The following DACH1 variants were observed in gnomAD, a reference collection of about 807,000 sequenced individuals.
DACH1 encodes the protein dachshund homolog 1.
DACH1 carries 12 observed loss-of-function variants against 54.2 expected under a neutral mutation model. The ratio of observed to expected loss-of-function variants is 0.22; its 90% CI spans 0.14 to 0.36. The LOEUF (loss-of-function observed/expected upper bound fraction) is 0.36. Among genes scored for constraint, DACH1 ranks in the 10% least tolerant of loss-of-function variants. DACH1 has a pLI of 1.00. For synonymous variants in DACH1, 386 were observed against 366.2 expected (o/e 1.05, Z -0.62); for missense variants, 805 against 929.8 (o/e 0.87, Z 1.75).
At chr13:71,462,038 T>C (rs1328031611) in intron 10 of DACH1, among the ~76,000 whole-genome samples, 2 of 151,896 alleles carry the variant, frequency 1.3e-5, no homozygotes, top group East Asian at 3.9e-4. Flanking sequence ...TCCAGCACTC[T>C]TTCTCCCAGG....
intron 2 of DACH1, among the ~76,000 whole-genome samples, chr13:71,636,344 T>C (rs1003657207): frequency 6.6e-6 from 1 of 152,106 alleles, no homozygotes; most frequent in Admixed American, 6.6e-5. Flanking sequence ...AATTTTATCA[T>C]CAGAAATGGA....
chr13:71,778,136 AAAT>A (rs1886144791), intron 1 of DACH1, among the ~76,000 whole-genome samples: 1 of 147,526 alleles, frequency 6.8e-6, no homozygotes, highest in African/African-American at 2.5e-5. Flanking sequence ...ATAAATAAAT[AAAT>A]AAAACTATAA....
intron 1 of DACH1, among the ~76,000 whole-genome samples, chr13:71,701,779 TA>T (rs1174826289): frequency 2.0e-5 from 3 of 152,090 alleles, no homozygotes; most frequent in Non-Finnish European, 2.9e-5. Flanking sequence ...TTCAGAGTAA[TA>T]AAAAAATTCA....
chr13:71,528,430 T>TC (rs1387938988), intron 6 of DACH1, among the ~76,000 whole-genome samples: 7 of 143,696 alleles, frequency 4.9e-5, no homozygotes, highest in South Asian at 4.6e-4. Context: ...ATTTTCTTTT[T>TC]TTTTTTTTTT....
chr13:71,633,084 G>C (rs1258825428), intron 2 of DACH1, among the ~76,000 whole-genome samples: 1 of 152,060 alleles, frequency 6.6e-6, no homozygotes, highest in Non-Finnish European at 1.5e-5. Flanking sequence ...TCTTGGATTT[G>C]TGCTGCAGGG....
chr13:71,664,364 C>T (rs1231554663), intron 2 of DACH1, among the ~76,000 whole-genome samples: 2 of 151,946 alleles, frequency 1.3e-5, no homozygotes, highest in African/African-American at 4.8e-5. Flanking sequence ...AAGAAACAAC[C>T]TGTTCTTTTG....
intron 1 of DACH1, among the ~76,000 whole-genome samples, chr13:71,786,328 T>G (rs1279625309): frequency 6.6e-6 from 1 of 152,182 alleles, no homozygotes; most frequent in Admixed American, 6.6e-5. Flanking sequence ...AAATTGTAAG[T>G]AGATGCTCTT....
intron 1 of DACH1, among the ~76,000 whole-genome samples, chr13:71,689,277 A>G (rs141515209): frequency 8.5e-5 from 13 of 152,304 alleles, no homozygotes; most frequent in African/African-American, 3.1e-4. Flanking sequence ...CCCTTACATC[A>G]CACCAATATG....
At chr13:71,744,073 G>C (rs1449917271) in intron 1 of DACH1, among the ~76,000 whole-genome samples, 1 of 152,118 alleles carries the variant, frequency 6.6e-6, no homozygotes, top group East Asian at 1.9e-4. Flanking sequence ...TCTGTTGAAG[G>C]TGTCATTTTA....
At chr13:71,771,549 G>A (rs547826681) in intron 1 of DACH1, among the ~76,000 whole-genome samples, 4 of 151,252 alleles carry the variant, frequency 2.6e-5, no homozygotes, top group African/African-American at 7.3e-5. Flanking sequence ...TCTAGAAAGG[G>A]CAAGTATCCC....
At chr13:71,812,286 A>C (rs1198262762) in intron 1 of DACH1, among the ~76,000 whole-genome samples, 1 of 152,230 alleles carries the variant, frequency 6.6e-6, no homozygotes, top group Non-Finnish European at 1.5e-5. Flanking sequence ...AGAATGTATC[A>C]GCACAGTACA....
At chr13:71,583,360 T>C (rs1489508946) in intron 3 of DACH1, among the ~76,000 whole-genome samples, 1 of 152,120 alleles carries the variant, frequency 6.6e-6, no homozygotes, top group Non-Finnish European at 1.5e-5. Flanking sequence ...GTACATGCCT[T>C]GGTAAAAAAT....
At chr13:71,779,659 G>C (rs1224378065) in intron 1 of DACH1, among the ~76,000 whole-genome samples, 2 of 152,052 alleles carry the variant, frequency 1.3e-5, no homozygotes, top group East Asian at 3.9e-4. Flanking sequence ...AACAAAAATA[G>C]TTCCATTTCA....
rs981983298 is a variant in DACH1, at chr13:71,631,044, G to A, written c.965-327C>T. ...CTTTTCCTGCTTAAAATCCCCTGTAGCTGCCTACACGGAGGGAAAAATCTG... is the reference window on the plus strand; with the variant it reads ...CTTTTCCTGCTTAAAATCCCCTGTAACTGCCTACACGGAGGGAAAAATCTG... On this transcript the variant is annotated intron_variant, in intron 2 of 10. Coordinates refer to ENST00000613252, the MANE Select transcript of DACH1 (RefSeq NM_080759.6). Among the ~76,000 whole-genome samples, 13 of 152,258 alleles carry A rather than the reference G, an allele frequency of 8.5e-5. 1 individual carries two copies. The highest frequency in any genetic ancestry group is 3.1e-4 in the African/African-American group (13 of 41,538).
chr13:71,573,364 TA>T (rs776701637), intron 3 of DACH1: 241 of 707,832 alleles, frequency 3.4e-4, no homozygotes, highest in Non-Finnish European at 4.5e-4. Flanking sequence ...TGCCAACTGA[TA>T]AATACAATTT....
intron 1 of DACH1, among the ~76,000 whole-genome samples, chr13:71,753,042 T>C (rs1884993354): frequency 6.6e-6 from 1 of 152,150 alleles, no homozygotes; most frequent in Non-Finnish European, 1.5e-5. Context: ...ACCTAACCTA[T>C]TAATACCACT....
chr13:71,853,914 A>T (rs1873832296), intron 1 of DACH1, among the ~76,000 whole-genome samples: 1 of 152,094 alleles, frequency 6.6e-6, no homozygotes, highest in African/African-American at 2.4e-5. Context: ...CCTCTTGGAC[A>T]TGGTTGCTGG....
At chr13:71,688,842 T>G (rs990540766) in intron 1 of DACH1, among the ~76,000 whole-genome samples, 1 of 152,202 alleles carries the variant, frequency 6.6e-6, no homozygotes. Context: ...TTAAAGTATA[T>G]TTTAATTAAA....
At chr13:71,450,481 T>C (rs893076717) in intron 10 of DACH1, among the ~76,000 whole-genome samples, 12 of 152,090 alleles carry the variant, frequency 7.9e-5, no homozygotes, top group African/African-American at 1.7e-4. Context: ...CTCTCTCCCA[T>C]TCCTTGGGGC....
Sources: gnomAD v4.1 joint callset for allele counts (sites outside exome capture counted in the v4.1 genomes callset) on GRCh38, gnomAD v4.1.1 for gene constraint, MANE v1.5 for transcripts, NCBI Gene and HGNC (gene_info 2026-07-23, HGNC 2026-07-21) for gene names.